Variants in PACSIN1 observed in about 807,000 individuals in gnomAD.
PACSIN1 encodes the protein protein kinase C and casein kinase substrate in neurons protein 1.
A neutral mutation model predicts 59.5 loss-of-function variants in PACSIN1; 15 were observed. The ratio of observed to expected loss-of-function variants is 0.25; its 90% confidence interval spans 0.17 to 0.39. PACSIN1 has a LOEUF of 0.39. Ranked by LOEUF, PACSIN1 falls within the 10% of genes least tolerant of loss-of-function variation. PACSIN1 has a pLI of 1.00. For synonymous variants in PACSIN1, 210 were observed against 220.6 expected (o/e 0.95, Z 0.42); for missense variants, 420 against 580.2 (o/e 0.72, Z 2.84).
Position 34,530,584 on chromosome 6 carries a change from G to T in PACSIN1, c.1034G>T (p.Gly345Val). ...VESTSQAGDRGSVSSYDRGQP... is the reference protein window; with the variant it reads ...VESTSQAGDRVSVSSYDRGQP... The stretch of plus-strand genomic sequence containing the variant: ...TCCACATCCCAGGCTGGGGACCGCG[G>T]CAGGTGAGTGCCTCCTGTGGAGCTT... The change falls in exon 8 of 10, where the codon GGC becomes GTC. Residue 345 changes from glycine to valine, a missense_variant. Gly to Val is a moderately radical substitution (Grantham distance 109). Transcript: ENST00000244458. The surrounding 1 kb of genome is among the most constrained non-coding windows in gnomAD (Gnocchi z 4.4). The T allele has an allele frequency of 6.4e-7, 1 of 1,570,234 alleles. No homozygotes were observed. The highest frequency in any genetic ancestry group is 8.6e-7 in the Non-Finnish European group (1 of 1,158,772).
chr6:34,523,146 C>T (rs540767457), intron 1 of PACSIN1, among the ~76,000 whole-genome samples: 1 of 152,344 alleles, frequency 6.6e-6, no homozygotes, highest in African/African-American at 2.4e-5. Context: ...ACTCAGTTTC[C>T]TCATTTATAA....
In PACSIN1 at chr6:34,532,871, G is replaced by A. The variant is rs1186734097; in HGVS notation, c.*341G>A. ...CCTTCCACCCCGCCTCACTCCCTCC[G>A]TCCCACTCCACTCCAGGCTGCCGGC... is the stretch of plus-strand genomic sequence containing the variant. On this transcript the variant is annotated 3_prime_UTR_variant, in exon 10 of 10. Coordinates refer to ENST00000244458, the MANE Select transcript of PACSIN1 (RefSeq NM_020804.5). This position sits in a 1 kb window ranked among gnomAD's most constrained non-coding sequence, Gnocchi z 5.2. The A allele has an allele frequency of 2.0e-5, 4 of 202,276 alleles. No individual in the cohort carries two copies. The highest frequency in any genetic ancestry group is 1.1e-4 in the Admixed American group (2 of 17,400). 12.5% of individuals were successfully genotyped at this position (202,276 alleles called of 1,614,324 possible).
At chr6:34,491,670 G>A (rs968368205) in intron 1 of PACSIN1, among the ~76,000 whole-genome samples, 3 of 151,432 alleles carry the variant, frequency 2.0e-5, no homozygotes, top group Admixed American at 1.3e-4. Context: ...GGAGTGCAAC[G>A]ACGTGATCTC....
intron 1 of PACSIN1, among the ~76,000 whole-genome samples, chr6:34,473,101 A>T (rs1419135644): frequency 6.6e-6 from 1 of 151,718 alleles, no homozygotes; most frequent in Non-Finnish European, 1.5e-5. Flanking sequence ...CCTGTCGTCG[A>T]GGAATGGGGA....
chr6:34,497,133 A>G (rs1766959523), intron 1 of PACSIN1, among the ~76,000 whole-genome samples: 4 of 151,436 alleles, frequency 2.6e-5, no homozygotes, highest in Admixed American at 2.0e-4. Context: ...TATTTTTAGT[A>G]CAGACAGGGT....
chr6:34,481,477 T>C (rs35741880), intron 1 of PACSIN1, among the ~76,000 whole-genome samples: 22,047 of 151,866 alleles, frequency 0.15, 1,943 homozygotes, highest in Admixed American at 0.25. Flanking sequence ...GGTCAGGAGA[T>C]TGAGACAACA....
chr6:34,531,485 T>A lies in PACSIN1; in HGVS notation c.1038-115T>A. ...AGGGTCACCCCTCCTATGTGGCCAA[T>A]CCTTGCTCTAGCCTTGGTAGAATTC... On this transcript the variant is annotated intron_variant, in intron 8 of 9. Coordinates refer to ENST00000244458, the MANE Select transcript of PACSIN1 (RefSeq NM_020804.5). This position sits in a 1 kb window ranked among gnomAD's most constrained non-coding sequence, Gnocchi z 4.4. The A allele has an allele frequency of 9.3e-7, 1 of 1,069,768 alleles. No individual in the cohort carries two copies. Among genetic ancestry groups the A allele is most frequent in the East Asian group, 2.4e-5 (1 of 41,170 alleles). The allele number at this position is 1,069,768 out of a possible 1,614,324, so 66.3% of individuals were successfully genotyped here. A position where few individuals can be genotyped will look rare whatever the true frequency, so the allele number is the denominator to read the frequency against.
chr6:34,492,061 G>A (rs1453660717), intron 1 of PACSIN1, among the ~76,000 whole-genome samples: 2 of 152,068 alleles, frequency 1.3e-5, no homozygotes, highest in Non-Finnish European at 2.9e-5. Flanking sequence ...GGGTCAAATG[G>A]CAATTCTGTT....
chr6:34,493,608 G>C (rs1766908141), intron 1 of PACSIN1, among the ~76,000 whole-genome samples: 1 of 152,180 alleles, frequency 6.6e-6, no homozygotes, highest in South Asian at 2.1e-4. Context: ...CACCCTGATG[G>C]TCCAGACATC....
At chr6:34,485,853 G>A (rs1056514125) in intron 1 of PACSIN1, among the ~76,000 whole-genome samples, 1 of 152,184 alleles carries the variant, frequency 6.6e-6, no homozygotes, top group Non-Finnish European at 1.5e-5. Context: ...CTGGCCATGG[G>A]GGTCAGCAGT....
intron 1 of PACSIN1, among the ~76,000 whole-genome samples, chr6:34,486,959 G>C (rs942334662): frequency 4.7e-5 from 7 of 149,996 alleles, no homozygotes; most frequent in Non-Finnish European, 1.0e-4. Flanking sequence ...TTGAACTCAG[G>C]AGTTTGAGAC....
intron 1 of PACSIN1, among the ~76,000 whole-genome samples, chr6:34,489,341 C>G (rs532913533): frequency 6.6e-6 from 1 of 152,204 alleles, no homozygotes; most frequent in South Asian, 2.1e-4. Flanking sequence ...CAATACAGCA[C>G]GTTGTCATGA....
chr6:34,470,341 C>T lies in PACSIN1; in HGVS notation c.-64+4071C>T, dbSNP rs191223228. On this transcript the variant is annotated intron_variant, in intron 1 of 9. Coordinates refer to ENST00000244458, the MANE Select transcript of PACSIN1 (RefSeq NM_020804.5). ...GATTACAGGCGCCCACCACCACGCCCGGCTAATTTTTGTATTTTTAGTAAA... is the reference window on the plus strand; with the variant it reads ...GATTACAGGCGCCCACCACCACGCCTGGCTAATTTTTGTATTTTTAGTAAA... Among the ~76,000 whole-genome samples the T allele has an allele frequency of 2.4e-3, 361 of 151,882 alleles. 3 individuals are homozygous for T. The highest frequency in any genetic ancestry group is 7.1e-3 in the African/African-American group (295 of 41,402).
intron 1 of PACSIN1, among the ~76,000 whole-genome samples, chr6:34,476,375 G>T (rs1262935950): frequency 6.6e-6 from 1 of 152,186 alleles, no homozygotes; most frequent in Admixed American, 6.5e-5. Flanking sequence ...GCATGGGGCT[G>T]AATTTGGCTC....
In PACSIN1 at chr6:34,532,845, C is replaced by T. The variant is rs968778967; in HGVS notation, c.*315C>T. 4.8e-5 allele frequency: 12 copies of T among 250,954 alleles called. No individual in the cohort carries two copies. Among genetic ancestry groups the T allele is most frequent in the South Asian group, 1.5e-4 (2 of 13,758 alleles). The allele number at this position is 250,954 out of a possible 1,614,324, so 15.5% of individuals were successfully genotyped here. ...GCCCTGAGGGATGGATGTCTCCTGACCCTTCCACCCCGCCTCACTCCCTCC... is the reference window on the plus strand; with the variant it reads ...GCCCTGAGGGATGGATGTCTCCTGATCCTTCCACCCCGCCTCACTCCCTCC... On this transcript the variant is annotated 3_prime_UTR_variant, in exon 10 of 10. Transcript: ENST00000244458. The surrounding 1 kb of genome is among the most constrained non-coding windows in gnomAD (Gnocchi z 5.2).
chr6:34,530,561 C>A lies in PACSIN1; in HGVS notation c.1011C>A (p.Ser337=), dbSNP rs772378294. The A allele has an allele frequency of 6.3e-7, 1 of 1,596,336 alleles. No individual in the cohort carries two copies. The highest frequency in any genetic ancestry group is 1.3e-5 in the African/African-American group (1 of 74,092). Residue 337 remains serine (S), a synonymous_variant, in exon 8 of 10, where the codon TCC becomes TCA. Transcript: ENST00000244458. This position sits in a 1 kb window ranked among gnomAD's most constrained non-coding sequence, Gnocchi z 4.4. The part of the protein sequence containing the change: ...ALTNATGAVE[S]TSQAGDRGSV... ...CCAATGCCACTGGGGCGGTAGAGTC[C>A]ACATCCCAGGCTGGGGACCGCGGCA...
intron 1 of PACSIN1, among the ~76,000 whole-genome samples, chr6:34,480,413 T>C (rs1766700293): frequency 6.6e-6 from 1 of 150,984 alleles, no homozygotes; most frequent in Non-Finnish European, 1.5e-5. Context: ...TTTGTAGAGA[T>C]GGGGCGCTCC....
rs760358259 is a variant in PACSIN1, at chr6:34,531,578, G to A, written c.1038-22G>A. On this transcript the variant is annotated intron_variant, in intron 8 of 9. Coordinates refer to ENST00000244458, the MANE Select transcript of PACSIN1 (RefSeq NM_020804.5). The surrounding 1 kb of genome is among the most constrained non-coding windows in gnomAD (Gnocchi z 4.4). ...TGCGGTACGGGGAGACATTGAAGCT[G>A]GCTCCTTCCTCCGCGTCTCAGTGTT... 6.2e-7 allele frequency: 1 copy of A among 1,611,864 alleles called. No individual in the cohort carries two copies. The highest frequency in any genetic ancestry group is 1.3e-5 in the African/African-American group (1 of 74,882).
At chr6:34,519,373 C>T (rs1350839312) in intron 1 of PACSIN1, among the ~76,000 whole-genome samples, 1 of 152,124 alleles carries the variant, frequency 6.6e-6, no homozygotes, top group Non-Finnish European at 1.5e-5. Context: ...AGCAGGCTCC[C>T]TGGGGACTGC....
Sources: allele counts gnomAD v4.1 joint callset (sites outside exome capture counted in the v4.1 genomes callset), GRCh38; gene constraint gnomAD v4.1.1; non-coding constraint Gnocchi (gnomAD v3.1); transcripts MANE v1.5; gene names NCBI Gene and HGNC (gene_info 2026-07-23, HGNC 2026-07-21).